The following TASP1 variants were observed in gnomAD, a reference collection of about 807,000 sequenced individuals.
TASP1 encodes the protein threonine aspartase 1.
Under a neutral mutation model 56.6 loss-of-function variants are expected in TASP1, and 16 were observed. The ratio of observed to expected loss-of-function variants is 0.28; its 90% CI spans 0.19 to 0.43. TASP1 has a LOEUF of 0.43. Ranked by LOEUF, TASP1 falls within the 20% of genes least tolerant of loss-of-function variation. The pLI is 1.00. For missense variants in TASP1, 393 were observed against 511.6 expected (o/e 0.77, Z 2.24); for synonymous variants, 179 against 184.2 (o/e 0.97, Z 0.23).
the TASP1 span, among the ~76,000 whole-genome samples, chr20:13,194,360 T>A: frequency 6.6e-6 from 1 of 152,172 alleles, no homozygotes; most frequent in Non-Finnish European, 1.5e-5. Flanking sequence ...ACAAGAGGTT[T>A]AAGTTATATC....
At chr20:13,293,122 C>A in the TASP1 span, among the ~76,000 whole-genome samples, 1 of 151,720 alleles carries the variant, frequency 6.6e-6, no homozygotes, top group East Asian at 1.9e-4. Flanking sequence ...ATGGTGTGAA[C>A]CCAGGAGGCG....
At chr20:13,468,991 T>C (rs1230600861) in intron 11 of TASP1, among the ~76,000 whole-genome samples, 2 of 152,036 alleles carry the variant, frequency 1.3e-5, no homozygotes, top group Non-Finnish European at 2.9e-5. Flanking sequence ...CTCCCAATGA[T>C]GGGATGGCAC....
the TASP1 span, among the ~76,000 whole-genome samples, chr20:13,214,146 A>C: frequency 1.3e-5 from 2 of 152,114 alleles, no homozygotes; most frequent in Admixed American, 1.3e-4. Context: ...GTTGATGTTA[A>C]ACGTCCTGAG....
At chr20:13,512,664 G>A (rs2044379306) in intron 10 of TASP1, among the ~76,000 whole-genome samples, 1 of 152,194 alleles carries the variant, frequency 6.6e-6, no homozygotes, top group Non-Finnish European at 1.5e-5. Flanking sequence ...TATTAGTCAT[G>A]AAGTCTTTGC....
At chr20:13,425,839 G>A (rs746925742) in intron 12 of TASP1, among the ~76,000 whole-genome samples, 2 of 152,018 alleles carry the variant, frequency 1.3e-5, no homozygotes, top group African/African-American at 2.4e-5. Context: ...ATGCAAAGAC[G>A]CTTTACTGTC....
At chr20:13,332,318 T>C in the TASP1 span, among the ~76,000 whole-genome samples, 4 of 150,958 alleles carry the variant, frequency 2.6e-5, no homozygotes, top group South Asian at 8.4e-4. Context: ...TACTGAAATA[T>C]AAAGCTGTTT....
chr20:13,414,812 A>T (rs2042201402), intron 13 of TASP1, among the ~76,000 whole-genome samples: 1 of 150,884 alleles, frequency 6.6e-6, no homozygotes. Context: ...TTGCAAGAAC[A>T]TTCTTTAAAA....
chr20:13,213,764 C>T, the TASP1 span, among the ~76,000 whole-genome samples: 1 of 152,144 alleles, frequency 6.6e-6, no homozygotes, highest in African/African-American at 2.4e-5. Context: ...TGGGAAAAAT[C>T]TCATCAGGGA....
chr20:13,366,270 GAAGAA>G, the TASP1 span, among the ~76,000 whole-genome samples: 4 of 152,170 alleles, frequency 2.6e-5, no homozygotes, highest in Non-Finnish European at 5.9e-5. Context: ...GATCATCTGT[GAAGAA>G]AAGAGGGCTG....
At chr20:13,153,879 C>T in the TASP1 span, 3 of 1,289,276 alleles carry the variant, frequency 2.3e-6, no homozygotes, top group Non-Finnish European at 3.2e-6. Flanking sequence ...CCCTTCCCTA[C>T]TTCCTCCTCC....
chr20:13,154,388 C>T, the TASP1 span, among the ~76,000 whole-genome samples: 1 of 152,156 alleles, frequency 6.6e-6, no homozygotes, highest in African/African-American at 2.4e-5. Flanking sequence ...AGGGAAATCA[C>T]TTATCTCCCT....
the TASP1 span, among the ~76,000 whole-genome samples, chr20:13,133,336 G>T: frequency 6.6e-6 from 1 of 151,614 alleles, no homozygotes; most frequent in African/African-American, 2.4e-5. Flanking sequence ...CTAGTCCAGG[G>T]ACCAGCCTTT....
At chr20:13,131,157 T>C in the TASP1 span, among the ~76,000 whole-genome samples, 2 of 152,232 alleles carry the variant, frequency 1.3e-5, no homozygotes, top group Non-Finnish European at 2.9e-5. Flanking sequence ...AAAATCATCT[T>C]ATTACTCATG....
At chr20:13,409,815 T>C (rs763428074) in intron 13 of TASP1, among the ~76,000 whole-genome samples, 1 of 152,160 alleles carries the variant, frequency 6.6e-6, no homozygotes, top group Non-Finnish European at 1.5e-5. Flanking sequence ...GTATTTATCA[T>C]TTCTATACAT....
chr20:13,390,090 A>G lies in TASP1; in HGVS notation c.*270T>C, dbSNP rs999975664. The G allele has an allele frequency of 2.4e-5, 8 of 326,604 alleles. No homozygotes were observed. The highest frequency in any genetic ancestry group is 1.3e-4 in the African/African-American group (6 of 46,738). 20.2% of individuals were successfully genotyped at this position (326,604 alleles called of 1,614,324 possible). ...CCTGGTCACACAATGAGGAGTTTCTATTTCATCCACGGAGAAGCAAACACA... is the reference window on the plus strand; with the variant it reads ...CCTGGTCACACAATGAGGAGTTTCTGTTTCATCCACGGAGAAGCAAACACA... On this transcript the variant is annotated 3_prime_UTR_variant, in exon 14 of 14. Transcript: ENST00000337743.
At chr20:13,288,363 C>T in the TASP1 span, among the ~76,000 whole-genome samples, 2 of 152,202 alleles carry the variant, frequency 1.3e-5, no homozygotes, top group Non-Finnish European at 2.9e-5. Context: ...TGTCACAAAG[C>T]TGATCCCTAA....
chr20:13,424,549 C>T (rs955139439), intron 12 of TASP1, among the ~76,000 whole-genome samples: 7 of 151,640 alleles, frequency 4.6e-5, no homozygotes, highest in East Asian at 3.9e-4. Context: ...TCCAGCAACA[C>T]GCAGGGTAAA....
chr20:13,521,031 C>G (rs2044730472), intron 10 of TASP1, among the ~76,000 whole-genome samples: 2 of 152,198 alleles, frequency 1.3e-5, no homozygotes, highest in Admixed American at 6.5e-5. Context: ...AAATGCTCAT[C>G]ATCACTGGCC....
At chr20:13,500,569 T>C (rs2043909841) in intron 10 of TASP1, among the ~76,000 whole-genome samples, 1 of 151,598 alleles carries the variant, frequency 6.6e-6, no homozygotes, top group African/African-American at 2.4e-5. Flanking sequence ...AACTCCAACA[T>C]AGAAAACCTA....
Sources: gnomAD v4.1 joint callset for allele counts (sites outside exome capture counted in the v4.1 genomes callset) on GRCh38, gnomAD v4.1.1 for gene constraint, MANE v1.5 for transcripts, NCBI Gene and HGNC (gene_info 2026-07-23, HGNC 2026-07-21) for gene names.